CDK6: variants seen among roughly 807,000 people sequenced by gnomAD.
The protein encoded by CDK6 is cyclin dependent kinase 6.
A neutral mutation model predicts 37.1 loss-of-function variants in CDK6; 6 were observed. The observed-to-expected ratio is 0.16, with a 90% CI of 0.09 to 0.32. The LOEUF is 0.32. CDK6 is among the 10% of genes least tolerant of loss of function. CDK6 has a pLI of 1.00. For missense variants in CDK6, 224 were observed against 418.9 expected (o/e 0.53, Z 4.06); for synonymous variants, 160 against 161.3 (o/e 0.99, Z 0.06).
At chr7:92,648,047 A>C (rs1465853648) in intron 5 of CDK6, among the ~76,000 whole-genome samples, 2 of 152,304 alleles carry the variant, frequency 1.3e-5, no homozygotes, top group Admixed American at 1.3e-4. Flanking sequence ...ACCATTATAA[A>C]AGATTCATGT....
chr7:92,750,524 T>A (rs1274350265), intron 3 of CDK6, among the ~76,000 whole-genome samples: 1 of 152,198 alleles, frequency 6.6e-6, no homozygotes, highest in Non-Finnish European at 1.5e-5. Context: ...TACGCCATAT[T>A]TTGAAAATTA....
intron 2 of CDK6, among the ~76,000 whole-genome samples, chr7:92,809,216 C>T (rs1465909797): frequency 6.6e-6 from 1 of 152,118 alleles, no homozygotes; most frequent in Non-Finnish European, 1.5e-5. Flanking sequence ...TGGAGAAACT[C>T]TCAATAGCCC....
At chr7:92,700,548 C>A (rs1797819946) in intron 4 of CDK6, among the ~76,000 whole-genome samples, 1 of 152,140 alleles carries the variant, frequency 6.6e-6, no homozygotes, top group African/African-American at 2.4e-5. Context: ...TGAATAGGGA[C>A]CCAGAAGGGA....
intron 3 of CDK6, among the ~76,000 whole-genome samples, chr7:92,742,235 A>G (rs1033418574): frequency 3.3e-5 from 5 of 152,240 alleles, no homozygotes; most frequent in Admixed American, 1.3e-4. Flanking sequence ...ACCAAGGTAA[A>G]TACCCTAAGT....
At chr7:92,694,972 C>T (rs1449760904) in intron 4 of CDK6, among the ~76,000 whole-genome samples, 3 of 151,930 alleles carry the variant, frequency 2.0e-5, no homozygotes, top group Non-Finnish European at 4.4e-5. Flanking sequence ...TACTTATAGA[C>T]AGAAGGATAT....
At position 92,833,845 on chromosome 7, in the gene CDK6, C is replaced by T; in HGVS notation, c.-367-155G>A. ...CCTCTCCCAAGCCGCTTAATCCTTC[C>T]TGGTTCCTCCGAGAAAAGCGAAGTT... is the stretch of plus-strand genomic sequence containing the variant. On this transcript the variant is annotated intron_variant, in intron 1 of 7. Coordinates refer to ENST00000424848, the MANE Select transcript of CDK6 (RefSeq NM_001145306.2). The surrounding 1 kb of genome is among the most constrained non-coding windows in gnomAD (Gnocchi z 6.1). 1 of 399,308 alleles carries T rather than the reference C, an allele frequency of 2.5e-6. No individual in the cohort carries two copies. The highest frequency in any genetic ancestry group is 4.4e-6 in the Non-Finnish European group (1 of 226,604). The allele number at this position is 399,308 out of a possible 1,614,324, so 24.7% of individuals were successfully genotyped here. A position where few individuals can be genotyped will look rare whatever the true frequency, so the allele number is the denominator to read the frequency against.
chr7:92,723,493 A>C (rs1798415543), intron 4 of CDK6, among the ~76,000 whole-genome samples: 1 of 152,184 alleles, frequency 6.6e-6, no homozygotes, highest in Non-Finnish European at 1.5e-5. Flanking sequence ...GTTCAGTCTA[A>C]AAAACTATGA....
At chr7:92,641,547 CTT>C (rs1562921276) in intron 5 of CDK6, among the ~76,000 whole-genome samples, 1 of 152,138 alleles carries the variant, frequency 6.6e-6, no homozygotes, top group African/African-American at 2.4e-5. Context: ...GACTTATACT[CTT>C]TACTCGTATT....
At chr7:92,672,530 C>T (rs1419674268) in intron 4 of CDK6, among the ~76,000 whole-genome samples, 1 of 151,354 alleles carries the variant, frequency 6.6e-6, no homozygotes, top group Non-Finnish European at 1.5e-5. Flanking sequence ...GAAACAAACA[C>T]AACAATTTTT....
At position 92,610,646 on chromosome 7, in the gene CDK6, T is replaced by G; in HGVS notation, c.*4494A>C. 4.4e-6 allele frequency: 1 copy of G among 228,126 alleles called. No homozygotes were observed. The highest frequency in any genetic ancestry group is 2.2e-5 in the African/African-American group (1 of 45,206). The allele number at this position is 228,126 out of a possible 1,614,324, so 14.1% of individuals were successfully genotyped here. A position where few individuals can be genotyped will look rare whatever the true frequency, so the allele number is the denominator to read the frequency against. ...TAAATAAGAAATGAAAATGCTAGTT[T>G]CTCATGCTTTTGAGGAAAACAGCAT... On this transcript the variant is annotated 3_prime_UTR_variant, in exon 8 of 8. Transcript: ENST00000424848.
Position 92,614,047 on chromosome 7 carries a change from G to C in CDK6, c.*1093C>G, listed in dbSNP as rs1333348975. 4.3e-6 allele frequency: 1 copy of C among 233,080 alleles called. No individual in the cohort carries two copies. The highest frequency in any genetic ancestry group is 2.2e-5 in the African/African-American group (1 of 45,346). 14.4% of individuals were successfully genotyped at this position (233,080 alleles called of 1,614,324 possible). ...ACAAGATGGATACTTTGCCAACAAG[G>C]CAGTGTGTGGCAGAAAGTACAGTGT... On this transcript the variant is annotated 3_prime_UTR_variant, in exon 8 of 8. Coordinates refer to ENST00000424848, the MANE Select transcript of CDK6 (RefSeq NM_001145306.2).
At chr7:92,656,001 A>G (rs1796689303) in intron 5 of CDK6, among the ~76,000 whole-genome samples, 1 of 152,178 alleles carries the variant, frequency 6.6e-6, no homozygotes, top group South Asian at 2.1e-4. Flanking sequence ...CACAAACCCA[A>G]TTCTATCATG....
intron 3 of CDK6, among the ~76,000 whole-genome samples, chr7:92,747,142 T>C (rs1021463985): frequency 5.3e-5 from 8 of 152,166 alleles, no homozygotes; most frequent in Non-Finnish European, 1.0e-4. Flanking sequence ...TATAATCACC[T>C]TCCCCAAACT....
At chr7:92,755,856 G>A (rs1277633645) in intron 3 of CDK6, among the ~76,000 whole-genome samples, 1 of 152,154 alleles carries the variant, frequency 6.6e-6, no homozygotes, top group Non-Finnish European at 1.5e-5. Flanking sequence ...CTTGCCTCTA[G>A]CTAACTACCA....
At position 92,774,771 on chromosome 7, in the gene CDK6, A is replaced by G. The variant is rs372372931; in HGVS notation, c.294T>C (p.Phe98=). 8.5e-5 allele frequency: 137 copies of G among 1,613,376 alleles called. No individual in the cohort carries two copies. The highest frequency in any genetic ancestry group is 1.1e-4 in the Non-Finnish European group (131 of 1,179,680). ...TDRETKLTLV[F]EHVDQDLTTY... ...TGGTCAAGTCTTGATCGACATGTTCAAACACTAAAGTTAGTTTGGTTTCTC... is the reference window on the plus strand; with the variant it reads ...TGGTCAAGTCTTGATCGACATGTTCGAACACTAAAGTTAGTTTGGTTTCTC... Residue 98 remains phenylalanine (F), a synonymous_variant, in exon 3 of 8, where the codon TTT becomes TTC. Coordinates refer to ENST00000424848, the MANE Select transcript of CDK6 (RefSeq NM_001145306.2).
At chr7:92,701,409 CTT>C (rs1158011467) in intron 4 of CDK6, among the ~76,000 whole-genome samples, 4 of 146,060 alleles carry the variant, frequency 2.7e-5, no homozygotes, top group Non-Finnish European at 3.0e-5. Flanking sequence ...AGCTTACACA[CTT>C]TTTTTTTTTT....
intron 4 of CDK6, among the ~76,000 whole-genome samples, chr7:92,688,846 C>G (rs993522035): frequency 3.3e-5 from 5 of 152,062 alleles, no homozygotes; most frequent in African/African-American, 4.8e-5. Context: ...AGGGGCAAAC[C>G]ACATTCCCTC....
intron 4 of CDK6, among the ~76,000 whole-genome samples, chr7:92,711,724 T>C (rs1018739770): frequency 1.3e-5 from 2 of 151,500 alleles, no homozygotes; most frequent in African/African-American, 4.8e-5. Flanking sequence ...CATACCACCA[T>C]GCCTGGCTAA....
In CDK6 at chr7:92,833,261, C is replaced by T. The variant is rs2116033963; in HGVS notation, c.63G>A (p.Glu21=). ...CCTTGAACACCTTCCCATAGGCGCC[C>T]TCCCCGATCTCCGCCACGCATTCGT... ...QQYECVAEIG[E]GAYGKVFKAR... is the part of the protein sequence containing the mutation. Residue 21 remains glutamate, a synonymous_variant, in exon 2 of 8, where the codon GAG becomes GAA. Transcript: ENST00000424848. This position sits in a 1 kb window ranked among gnomAD's most constrained non-coding sequence, Gnocchi z 6.1. 6.2e-7 allele frequency: 1 copy of T among 1,610,240 alleles called. No individual in the cohort carries two copies. The highest frequency in any genetic ancestry group is 1.3e-5 in the African/African-American group (1 of 74,894).
Sources: gnomAD v4.1 joint callset for allele counts (sites outside exome capture counted in the v4.1 genomes callset) on GRCh38, gnomAD v4.1.1 for gene constraint, Gnocchi (gnomAD v3.1) non-coding constraint, MANE v1.5 for transcripts, NCBI Gene and HGNC (gene_info 2026-07-23, HGNC 2026-07-21) for gene names.